Variants in DCC observed in about 807,000 individuals in gnomAD.
The protein encoded by DCC is netrin receptor DCC.
Under a neutral mutation model 172.5 loss-of-function variants are expected in DCC, and 58 were observed. That is an observed-to-expected ratio of 0.34 (90% CI 0.27 to 0.42). The LOEUF (loss-of-function observed/expected upper bound fraction) is 0.42. DCC is among the 10% of genes least tolerant of loss of function. The pLI is 1.00. For synonymous variants in DCC, 709 were observed against 644.5 expected (o/e 1.10, Z -1.52); for missense variants, 1,740 against 1,791.0 (o/e 0.97, Z 0.51).
chr18:52,986,815 TACACACACACACATATACATACAC>T lies in DCC; in HGVS notation c.985+61459_985+61482del, dbSNP rs1217690920. 2.7e-5 allele frequency among the ~76,000 whole-genome samples: 4 copies of T among 149,532 alleles called. No individual in the cohort carries two copies. In the East Asian group the frequency reaches 6.1e-4, roughly 23 times the overall value. ...TATACACACACGTGTAGTATATATATACACACACACACATATACATACACACACACACACACACACACAAACAGA... is the reference window on the plus strand; with the variant it reads ...TATACACACACGTGTAGTATATATATACACACACACACACACACAAACAGA... On this transcript the variant is annotated intron_variant, in intron 5 of 28. Transcript: ENST00000442544.
intron 5 of DCC, among the ~76,000 whole-genome samples, chr18:53,035,221 C>T (rs1044102164): frequency 1.3e-5 from 2 of 151,446 alleles, no homozygotes; most frequent in African/African-American, 4.9e-5. Context: ...GTTTAAGATA[C>T]TTTGAAATAT....
At chr18:53,122,670 CTT>C (rs2043499574) in intron 7 of DCC, among the ~76,000 whole-genome samples, 1 of 152,050 alleles carries the variant, frequency 6.6e-6, no homozygotes, top group Non-Finnish European at 1.5e-5. Flanking sequence ...TCAATTCAGA[CTT>C]TAATTAAATT....
chr18:52,540,283 T>G (rs1037197032), intron 1 of DCC, among the ~76,000 whole-genome samples: 25 of 152,174 alleles, frequency 1.6e-4, no homozygotes, highest in African/African-American at 5.3e-4. Flanking sequence ...AAAAAATTTT[T>G]TTAAATAATG....
At chr18:52,802,270 G>C (rs563046342) in intron 2 of DCC, among the ~76,000 whole-genome samples, 1 of 151,984 alleles carries the variant, frequency 6.6e-6, no homozygotes, top group Non-Finnish European at 1.5e-5. Flanking sequence ...AGTATCTACC[G>C]TTTAATATTG....
intron 1 of DCC, among the ~76,000 whole-genome samples, chr18:52,548,952 A>G (rs2144718637): frequency 6.6e-6 from 1 of 152,232 alleles, no homozygotes; most frequent in Middle Eastern, 3.4e-3. Flanking sequence ...CTATACTTGG[A>G]TCTAAATATC....
intron 5 of DCC, among the ~76,000 whole-genome samples, chr18:53,020,638 G>T (rs765520953): frequency 6.6e-6 from 1 of 152,088 alleles, no homozygotes; most frequent in East Asian, 1.9e-4. Context: ...TATCTATTGA[G>T]GCAATGAGTA....
intron 1 of DCC, among the ~76,000 whole-genome samples, chr18:52,473,501 T>A (rs1989003679): frequency 6.6e-6 from 1 of 152,138 alleles, no homozygotes; most frequent in African/African-American, 2.4e-5. Flanking sequence ...TGACTCAAAG[T>A]TCTGCAGGTC....
chr18:53,359,998 T>C (rs1239439856), intron 15 of DCC, among the ~76,000 whole-genome samples: 2 of 152,110 alleles, frequency 1.3e-5, no homozygotes, highest in East Asian at 3.9e-4. Context: ...GGCATTTAAA[T>C]TGTTTTGAGG....
At chr18:52,986,641 T>G (rs561249889) in intron 5 of DCC, among the ~76,000 whole-genome samples, 38 of 152,264 alleles carry the variant, frequency 2.5e-4, no homozygotes, top group African/African-American at 8.4e-4. Context: ...TATTGGTTTT[T>G]ATTTTTCTCT....
chr18:52,826,279 T>G (rs1322105638), intron 2 of DCC, among the ~76,000 whole-genome samples: 1 of 152,180 alleles, frequency 6.6e-6, no homozygotes, highest in Non-Finnish European at 1.5e-5. Flanking sequence ...TTGGAAGACA[T>G]TTCAGGAACA....
intron 12 of DCC, among the ~76,000 whole-genome samples, chr18:53,290,190 A>G (rs1370031398): frequency 6.6e-6 from 1 of 152,218 alleles, no homozygotes; most frequent in Non-Finnish European, 1.5e-5. Flanking sequence ...AAGATCGAAG[A>G]GAGAGAACAA....
At chr18:53,242,682 G>A (rs1380373431) in intron 12 of DCC, among the ~76,000 whole-genome samples, 1 of 152,088 alleles carries the variant, frequency 6.6e-6, no homozygotes, top group African/African-American at 2.4e-5. Context: ...ACCTGTTGTT[G>A]GCATTAAGAG....
chr18:52,495,569 C>T (rs1441231965), intron 1 of DCC, among the ~76,000 whole-genome samples: 1 of 152,070 alleles, frequency 6.6e-6, no homozygotes, highest in African/African-American at 2.4e-5. Flanking sequence ...TCCTACTTTT[C>T]TAGTTCATCT....
intron 1 of DCC, among the ~76,000 whole-genome samples, chr18:52,580,147 C>A (rs1261642869): frequency 6.6e-6 from 1 of 152,174 alleles, no homozygotes; most frequent in Non-Finnish European, 1.5e-5. Flanking sequence ...AAGAGTGGAC[C>A]ATGTGCCTGG....
intron 5 of DCC, among the ~76,000 whole-genome samples, chr18:52,968,457 G>T (rs938537199): frequency 1.3e-5 from 2 of 152,116 alleles, no homozygotes; most frequent in African/African-American, 4.8e-5. Flanking sequence ...CCCTTATTCA[G>T]CATCCCACCC....
intron 1 of DCC, among the ~76,000 whole-genome samples, chr18:52,487,722 G>C (rs2030295255): frequency 6.9e-6 from 1 of 145,612 alleles, no homozygotes; most frequent in Non-Finnish European, 1.5e-5. Flanking sequence ...GAGGCATAAG[G>C]ATGGTTTGAA....
At chr18:52,457,654 T>C (rs1034884263) in intron 1 of DCC, among the ~76,000 whole-genome samples, 1 of 152,182 alleles carries the variant, frequency 6.6e-6, no homozygotes, top group Admixed American at 6.5e-5. Flanking sequence ...AGTATATGCT[T>C]AAGATGGTGA....
rs769518780 is a variant in DCC at position 53,169,598 on chromosome 18, A to T, written c.1419-9364A>T. On this transcript the variant is annotated intron_variant, in intron 8 of 28. Transcript: ENST00000442544. ...GTGGAGAAGATTTGTCTGACAATCC[A>T]TCTGGTGTTACAGATCATGACTCTG... is the stretch of plus-strand genomic sequence containing the variant. Among the ~76,000 whole-genome samples the T allele has an allele frequency of 3.3e-5, 5 of 152,202 alleles. No homozygotes were observed. In the East Asian group the frequency reaches 7.7e-4, roughly 23 times the overall value.
At chr18:52,861,109 C>T (rs923509866) in intron 2 of DCC, among the ~76,000 whole-genome samples, 11 of 151,932 alleles carry the variant, frequency 7.2e-5, no homozygotes, top group African/African-American at 2.7e-4. Flanking sequence ...TAAAGCCAAG[C>T]TAAGTATTTG....
Sources: allele counts gnomAD v4.1 joint callset (sites outside exome capture counted in the v4.1 genomes callset), GRCh38; gene constraint gnomAD v4.1.1; transcripts MANE v1.5; gene names NCBI Gene and HGNC (gene_info 2026-07-23, HGNC 2026-07-21).